CNTNAP2: variants seen among roughly 807,000 people sequenced by gnomAD.
CNTNAP2 encodes contactin-associated protein-like 2.
Under a neutral mutation model 155.2 loss-of-function variants are expected in CNTNAP2, and 98 were observed. The ratio of observed to expected loss-of-function variants is 0.63; its 90% CI spans 0.54 to 0.75. The LOEUF (loss-of-function observed/expected upper bound fraction) is 0.75. CNTNAP2 is among the 30% of genes least tolerant of loss of function. The pLI is 0.00. For missense variants in CNTNAP2, 1,727 were observed against 1,688.1 expected, an observed-to-expected ratio of 1.02 and a Z score of -0.40; for synonymous variants, 651 against 631.2, an observed-to-expected ratio of 1.03 and a Z score of -0.47.
intron 15 of CNTNAP2, among the ~76,000 whole-genome samples, chr7:147,985,115 A>AAAATAAAT (rs111265967): frequency 0.076 from 11,008 of 145,486 alleles, 557 homozygotes; most frequent in South Asian, 0.15. Flanking sequence ...ACTCTGTCAA[A>AAAATAAAT]AAATAAATAA....
At chr7:147,470,401 G>A (rs2116607305) in intron 10 of CNTNAP2, among the ~76,000 whole-genome samples, 1 of 150,886 alleles carries the variant, frequency 6.6e-6, no homozygotes, top group Non-Finnish European at 1.5e-5. Context: ...ATAGTGTCTT[G>A]GATGAGAGTA....
chr7:146,769,535 C>T (rs1293524227), intron 1 of CNTNAP2, among the ~76,000 whole-genome samples: 2 of 152,158 alleles, frequency 1.3e-5, no homozygotes, highest in African/African-American at 4.8e-5. Flanking sequence ...TGGGAAATTT[C>T]AAATTCATTG....
intron 17 of CNTNAP2, among the ~76,000 whole-genome samples, chr7:148,169,834 C>T (rs769334954): frequency 2.0e-5 from 3 of 152,072 alleles, no homozygotes; most frequent in Non-Finnish European, 4.4e-5. Flanking sequence ...GTGGCGTGTG[C>T]CTGTAGTCCC....
chr7:148,129,655 G>A (rs555316443), intron 16 of CNTNAP2, among the ~76,000 whole-genome samples: 2 of 152,320 alleles, frequency 1.3e-5, no homozygotes, highest in East Asian at 1.9e-4. Context: ...ACTACACTTA[G>A]AGAGACCAGG....
chr7:146,699,147 A>T (rs1800833363), intron 1 of CNTNAP2, among the ~76,000 whole-genome samples: 1 of 152,098 alleles, frequency 6.6e-6, no homozygotes, highest in South Asian at 2.1e-4. Context: ...TTGTCTCTTT[A>T]ATCTGTGTTC....
intron 1 of CNTNAP2, among the ~76,000 whole-genome samples, chr7:146,578,222 G>A (rs1438363755): frequency 6.6e-6 from 1 of 152,098 alleles, no homozygotes; most frequent in Non-Finnish European, 1.5e-5. Flanking sequence ...AAATTAAACT[G>A]TGTAATCTTA....
At chr7:147,088,644 T>G (rs1800332115) in intron 4 of CNTNAP2, among the ~76,000 whole-genome samples, 1 of 152,174 alleles carries the variant, frequency 6.6e-6, no homozygotes, top group African/African-American at 2.4e-5. Flanking sequence ...GGTCTTCTAC[T>G]TGTTTTCAAA....
chr7:148,229,461 G>T (rs1383736735), intron 19 of CNTNAP2, among the ~76,000 whole-genome samples, 185 bp from the exon 20 acceptor site: 1 of 152,020 alleles, frequency 6.6e-6, no homozygotes, highest in Non-Finnish European at 1.5e-5. Context: ...GGAGGCAGAG[G>T]TTGCAGTGAG....
intron 1 of CNTNAP2, among the ~76,000 whole-genome samples, chr7:146,628,184 T>A (rs1404586238): frequency 6.6e-6 from 1 of 152,150 alleles, no homozygotes; most frequent in African/African-American, 2.4e-5. Flanking sequence ...CACCTCAGCA[T>A]GCAGACAATA....
In CNTNAP2 at chr7:147,513,950, T is replaced by C. The variant is rs1584783218; in HGVS notation, c.1777+27909T>C. On this transcript the variant is annotated intron_variant, in intron 11 of 23. Transcript: ENST00000361727. ...TCACACACCCCTCCTTCCCCTCATC[T>C]GAAGGCCAACCACCACCACATGGTC... Among the ~76,000 whole-genome samples, 3 of 152,352 alleles carry C rather than the reference T, an allele frequency of 2.0e-5. No homozygotes were observed. In the East Asian group the frequency reaches 5.8e-4, roughly 29 times the overall value.
At chr7:147,662,986 GGTTTGTTT>G (rs148012963) in intron 13 of CNTNAP2, among the ~76,000 whole-genome samples, 7,576 of 152,024 alleles carry the variant, frequency 0.05, 615 homozygotes, top group African/African-American at 0.17. Flanking sequence ...GGATGTTTCT[GGTTTGTTT>G]GTTTGTTTGT....
At chr7:146,963,139 T>A (rs1554416699) in intron 3 of CNTNAP2, 1 of 152,172 alleles carries the variant, frequency 6.6e-6, no homozygotes, top group Non-Finnish European at 1.5e-5. Flanking sequence ...TTATAAAGAG[T>A]TTGGCTACCG....
intron 15 of CNTNAP2, among the ~76,000 whole-genome samples, chr7:148,065,249 G>A (rs1352611380): frequency 6.6e-6 from 1 of 152,122 alleles, no homozygotes; most frequent in Non-Finnish European, 1.5e-5. Flanking sequence ...GTGCTGATGA[G>A]TAGAATGTCT....
chr7:147,866,360 A>G (rs1799227123), intron 13 of CNTNAP2, among the ~76,000 whole-genome samples: 2 of 152,174 alleles, frequency 1.3e-5, no homozygotes, highest in South Asian at 4.1e-4. Flanking sequence ...TTTTTAGAAT[A>G]AGTGTGATGT....
At chr7:147,381,702 C>T (rs1024171003) in intron 9 of CNTNAP2, among the ~76,000 whole-genome samples, 4 of 152,178 alleles carry the variant, frequency 2.6e-5, no homozygotes, top group Non-Finnish European at 4.4e-5. Context: ...TGTCAACATA[C>T]TAGTCTGCTT....
intron 12 of CNTNAP2, among the ~76,000 whole-genome samples, chr7:147,615,483 T>A (rs1020741482): frequency 1.2e-4 from 18 of 151,680 alleles, no homozygotes; most frequent in Non-Finnish European, 8.8e-5. Flanking sequence ...ATTTGTATAT[T>A]ACGATAATCA....
In CNTNAP2 at chr7:147,472,821, A is replaced by C. The variant is rs193156788; in HGVS notation, c.1671-13114A>C. The stretch of plus-strand genomic sequence containing the variant: ...TGAGGGTGAGCAGAGGAGTAGCAAA[A>C]TTAGAGAATAACATCCAAAGATATG... On this transcript the variant is annotated intron_variant, in intron 10 of 23. Coordinates refer to ENST00000361727, the MANE Select transcript of CNTNAP2 (RefSeq NM_014141.6). 7.9e-5 allele frequency among the ~76,000 whole-genome samples: 12 copies of C among 152,326 alleles called. No individual in the cohort carries two copies. The East Asian group carries it at 2.3e-3, about 29-fold the overall frequency.
intron 5 of CNTNAP2, among the ~76,000 whole-genome samples, chr7:147,118,633 C>T (rs1484415136): frequency 6.6e-6 from 1 of 151,954 alleles, no homozygotes; most frequent in African/African-American, 2.4e-5. Flanking sequence ...GCCTATTACA[C>T]ACCTAGGCTA....
At chr7:147,062,795 G>T (rs139651694) in intron 4 of CNTNAP2, among the ~76,000 whole-genome samples, 2 of 152,246 alleles carry the variant, frequency 1.3e-5, no homozygotes, top group Non-Finnish European at 2.9e-5. Flanking sequence ...ACTCTGAAAT[G>T]AATTTTATTA....
Sources: allele counts gnomAD v4.1 joint callset (sites outside exome capture counted in the v4.1 genomes callset), GRCh38; gene constraint gnomAD v4.1.1; transcripts MANE v1.5; gene names NCBI Gene and HGNC (gene_info 2026-07-23, HGNC 2026-07-21).